PTGS1: variants seen among roughly 807,000 people sequenced by gnomAD.
The protein encoded by PTGS1 is prostaglandin G/H synthase 1.
In PTGS1, 40 loss-of-function variants were observed where a neutral mutation model predicts 63.0. The ratio of observed to expected loss-of-function variants is 0.63; its 90% CI spans 0.49 to 0.83. The LOEUF is 0.83. Ranked by LOEUF, PTGS1 falls within the 40% of genes least tolerant of loss-of-function variation. The pLI is 0.00. For missense variants in PTGS1, 709 were observed against 786.5 expected (o/e 0.90, Z 1.18); for synonymous variants, 298 against 301.9 (o/e 0.99, Z 0.13).
Position 122,378,408 on chromosome 9 carries a change from T to A in PTGS1, c.212-25T>A, listed in dbSNP as rs1416784252. On this transcript the variant is annotated intron_variant, in intron 3 of 10. Coordinates refer to ENST00000362012, the MANE Select transcript of PTGS1 (RefSeq NM_000962.4). ...TCTGGTTCTGGTAGGAGGGACCAAC[T>A]GAGTGACTGCCATTGCCCCTGCAGC... 1.9e-6 allele frequency: 3 copies of A among 1,611,856 alleles called. No homozygotes were observed. In the South Asian group the frequency reaches 3.3e-5, roughly 18 times the overall value.
chr9:122,378,093 T>G, intron 3 of PTGS1, 78 bp downstream of exon 3: 1 of 1,310,406 alleles, frequency 7.6e-7, no homozygotes, highest in South Asian at 1.2e-5. Context: ...AGACCCTAAC[T>G]TCCTACCCTC....
upstream of PTGS1, chr9:122,370,957 A>C: frequency 7.1e-7 from 1 of 1,417,082 alleles, no homozygotes; most frequent in Admixed American, 2.2e-5. Context: ...CCGAGGTGAC[A>C]GCTGGAGGGA....
chr9:122,382,105 A>G (rs1176606434), intron 7 of PTGS1, among the ~76,000 whole-genome samples: 1 of 152,232 alleles, frequency 6.6e-6, no homozygotes, highest in Non-Finnish European at 1.5e-5. Context: ...CCTGCCCTCA[A>G]AAAACCACAG....
At position 122,373,898 on chromosome 9, in the gene PTGS1, T is replaced by C. The variant is rs535988254; in HGVS notation, c.94+2626T>C. ...CTGGCTGCCAGGTCCCCAGAGACTC[T>C]CTAAATATTACTCTTTAGGGGATTT... On this transcript the variant is annotated intron_variant, in intron 2 of 10. Transcript: ENST00000362012. Among the ~76,000 whole-genome samples, 108 of 151,940 alleles carry C rather than the reference T, an allele frequency of 7.1e-4. 1 individual carries two copies. The highest frequency in any genetic ancestry group is 3.4e-3 in the Middle Eastern group (1 of 294).
At chr9:122,391,374 T>TATATATACAC (rs1838244004) in intron 10 of PTGS1, among the ~76,000 whole-genome samples, 1 of 81,452 alleles carries the variant, frequency 1.2e-5, no homozygotes, top group African/African-American at 5.9e-5. Context: ...TATATATACA[T>TATATATACAC]ATATATATAT....
intron 5 of PTGS1, 61 bp from the exon 6 acceptor site, chr9:122,381,310 G>A (rs556003290): frequency 6.5e-7 from 1 of 1,545,050 alleles, no homozygotes; most frequent in African/African-American, 1.4e-5. Flanking sequence ...GAGCCCAGAT[G>A]TCCCCAGGGC....
In PTGS1 at chr9:122,394,488, TA is replaced by T. The variant is rs1444486742; in HGVS notation, c.*1945del. On this transcript the variant is annotated 3_prime_UTR_variant, in exon 11 of 11. Transcript: ENST00000362012. ...CCCTGCTCTTGCAGTTGCTCTGACGTAGAAAGATCCTTCGGGTGCTGGAAGT... is the reference window on the plus strand; with the variant it reads ...CCCTGCTCTTGCAGTTGCTCTGACGTGAAAGATCCTTCGGGTGCTGGAAGT... The T allele has an allele frequency of 6.6e-6, 1 of 152,246 alleles. No individual in the cohort carries two copies. Among genetic ancestry groups the T allele is most frequent in the Non-Finnish European group, 1.5e-5 (1 of 68,058 alleles). 9.4% of individuals were successfully genotyped at this position (152,246 alleles called of 1,614,324 possible).
intron 10 of PTGS1, among the ~76,000 whole-genome samples, chr9:122,391,423 A>G (rs1188205927): frequency 1.7e-4 from 5 of 29,490 alleles, no homozygotes; most frequent in Non-Finnish European, 3.7e-4. Flanking sequence ...ATATATATAT[A>G]TATACATATA....
At chr9:122,371,387 G>A (rs1836796897) in intron 2 of PTGS1, 115 bp downstream of exon 2, 2 of 1,505,242 alleles carry the variant, frequency 1.3e-6, no homozygotes, top group African/African-American at 1.4e-5. Context: ...TCGCGGTGCT[G>A]AGAAAGACTG....
At chr9:122,378,947 G>T in intron 5 of PTGS1, 29 bp downstream of exon 5, 1 of 1,612,888 alleles carries the variant, frequency 6.2e-7, no homozygotes, top group East Asian at 2.2e-5. Flanking sequence ...CTGGGCCTGG[G>T]GATTACAGGA....
chr9:122,383,698 G>A lies in PTGS1; in HGVS notation c.952G>A (p.Glu318Lys), dbSNP rs759138174. The change falls in exon 8 of 11, where the codon GAG becomes AAG. Residue 318 changes from glutamate (E) to lysine (K), a missense_variant. Physicochemically the swap from Glu to Lys is moderately conservative, Grantham distance 56. Transcript: ENST00000362012. ...CCGTGTGTGTGACCTGCTGAAGGCT[G>A]AGCACCCCACCTGGGGCGATGAGCA... is the stretch of plus-strand genomic sequence containing the variant. ...HNRVCDLLKA[E>K]HPTWGDEQLF... 9 of 1,613,990 alleles carry A rather than the reference G, an allele frequency of 5.6e-6. No homozygotes were observed. The East Asian group carries it at 1.3e-4, about 24-fold the overall frequency.
At chr9:122,372,327 T>C (rs1235364226) in intron 2 of PTGS1, among the ~76,000 whole-genome samples, 1 of 152,100 alleles carries the variant, frequency 6.6e-6, no homozygotes, top group African/African-American at 2.4e-5. Flanking sequence ...GGGTGGCATT[T>C]AGGGGACCCA....
rs201253577 is a variant in PTGS1, at chr9:122,386,720, G to C, written c.1284G>C (p.Gln428His). 476 of 1,614,132 alleles carry C rather than the reference G, an allele frequency of 2.9e-4. 3 individuals carry two copies. Among genetic ancestry groups the C allele is most frequent in the Non-Finnish European group, 2.8e-5 (33 of 1,179,986 alleles). Residue 428 changes from glutamine to histidine, a missense_variant, in exon 9 of 11, where the codon CAG (glutamine) becomes CAC (histidine). Coordinates refer to ENST00000362012, the MANE Select transcript of PTGS1 (RefSeq NM_000962.4). ...CCCTGGTGGATGCCTTCTCTCGCCA[G>C]ATTGCTGGCCGGGTAAGCCCCAGAG... is the stretch of plus-strand genomic sequence containing the variant. ...VEALVDAFSRQIAGRIGGGRN... is the reference protein window; with the variant it reads ...VEALVDAFSRHIAGRIGGGRN...
rs201753794 is a variant in PTGS1 at position 122,392,521 on chromosome 9, G to A, written c.1777G>A (p.Glu593Lys). The change falls in exon 11 of 11, where the codon GAG becomes AAG. Residue 593 changes from glutamate (E) to lysine (K), a missense_variant. Transcript: ENST00000362012. The part of the protein sequence containing the change: ...DASQDDGPAV[E>K]RPSTEL ...CAGTCAGGATGATGGGCCTGCTGTG[G>A]AGCGACCATCCACAGAGCTCTGAGG... The A allele has an allele frequency of 4.3e-6, 7 of 1,613,804 alleles. No individual in the cohort carries two copies. The highest frequency in any genetic ancestry group is 5.9e-6 in the Non-Finnish European group (7 of 1,179,776).
chr9:122,377,854 G>A, intron 2 of PTGS1, 45 bp from the exon 3 acceptor site: 1 of 1,558,474 alleles, frequency 6.4e-7, no homozygotes. Flanking sequence ...TGGGGGTCAG[G>A]AGGCCACCCT....
At chr9:122,381,875 C>CAGGAGCG in intron 7 of PTGS1, 128 bp downstream of exon 7, 1 of 934,250 alleles carries the variant, frequency 1.1e-6, no homozygotes, top group Non-Finnish European at 1.6e-6. Flanking sequence ...AAGCTTGTGC[C>CAGGAGCG]AGGAGCGACA....
chr9:122,385,962 A>G (rs555502439), intron 8 of PTGS1, among the ~76,000 whole-genome samples: 2 of 152,268 alleles, frequency 1.3e-5, no homozygotes, highest in East Asian at 1.9e-4. Flanking sequence ...ACATCCTGTT[A>G]CAAAGAGACA....
intron 8 of PTGS1, 122 bp from the exon 9 acceptor site, chr9:122,386,324 A>G (rs1837871241): frequency 1.8e-6 from 2 of 1,091,036 alleles, no homozygotes; most frequent in Non-Finnish European, 2.7e-6. Flanking sequence ...ATAAACATCA[A>G]CAGCAACAAC....
chr9:122,382,645 G>A (rs1564138576), intron 7 of PTGS1, among the ~76,000 whole-genome samples: 2 of 152,214 alleles, frequency 1.3e-5, no homozygotes, highest in Non-Finnish European at 2.9e-5. Context: ...GTAGCTACAC[G>A]TGGCTAGTGG....
Sources: allele counts gnomAD v4.1 joint callset (sites outside exome capture counted in the v4.1 genomes callset), GRCh38; gene constraint gnomAD v4.1.1; transcripts MANE v1.5; gene names NCBI Gene and HGNC (gene_info 2026-07-23, HGNC 2026-07-21).